Variants in FBXL17 observed in about 807,000 individuals in gnomAD.
The protein encoded by FBXL17 is F-box and leucine rich repeat protein 17, also known as F-box/LRR-repeat protein 17.
FBXL17 carries 22 observed loss-of-function variants against 66.2 expected under a neutral mutation model. The observed-to-expected ratio is 0.33, with a 90% CI of 0.24 to 0.47. FBXL17 has a LOEUF of 0.47. FBXL17 is among the 20% of genes least tolerant of loss of function. FBXL17 has a pLI of 1.00. For missense variants in FBXL17, 878 were observed against 948.2 expected, an observed-to-expected ratio of 0.93 and a Z score of 0.97; for synonymous variants, 474 against 400.5, an observed-to-expected ratio of 1.18 and a Z score of -2.19.
chr5:107,875,344 C>T (rs1748589026), intron 8 of FBXL17, among the ~76,000 whole-genome samples: 2 of 152,248 alleles, frequency 1.3e-5, no homozygotes, highest in East Asian at 3.9e-4. Flanking sequence ...GTTACAGAGT[C>T]CTATATTATT....
intron 6 of FBXL17, among the ~76,000 whole-genome samples, chr5:108,135,703 C>T (rs1281980358): frequency 2.0e-5 from 3 of 152,112 alleles, no homozygotes; most frequent in African/African-American, 7.2e-5. Context: ...GTGCATTTGG[C>T]ATTCCTTTTC....
chr5:108,264,742 A>G (rs543143283), intron 4 of FBXL17, among the ~76,000 whole-genome samples: 1 of 152,228 alleles, frequency 6.6e-6, no homozygotes, highest in Admixed American at 6.5e-5. Context: ...TGCCAGCTTT[A>G]TTGGCCCATG....
chr5:108,142,536 G>A (rs1751389820), intron 6 of FBXL17, among the ~76,000 whole-genome samples: 1 of 152,118 alleles, frequency 6.6e-6, no homozygotes, highest in African/African-American at 2.4e-5. Context: ...GCCCAAAAAT[G>A]TTGTTTATAA....
chr5:108,299,073 ATGTTTACTGC>A (rs1758468704), intron 4 of FBXL17: 1 of 975,964 alleles, frequency 1.0e-6, no homozygotes, highest in Non-Finnish European at 1.2e-6. Context: ...AAAGCCCCAA[ATGTTTACTGC>A]TATTTTAAAA....
intron 5 of FBXL17, among the ~76,000 whole-genome samples, chr5:108,202,565 C>T (rs950608823): frequency 6.6e-6 from 1 of 152,030 alleles, no homozygotes; most frequent in African/African-American, 2.4e-5. Context: ...CAGGGGATGC[C>T]TGAAACTGAG....
At chr5:108,120,326 T>C (rs1750436005) in intron 6 of FBXL17, among the ~76,000 whole-genome samples, 1 of 152,190 alleles carries the variant, frequency 6.6e-6, no homozygotes. Flanking sequence ...AATCTCACCT[T>C]TGTAAGAGAT....
intron 5 of FBXL17, among the ~76,000 whole-genome samples, chr5:108,192,937 A>C (rs1242864381): frequency 6.6e-6 from 1 of 152,242 alleles, no homozygotes; most frequent in Non-Finnish European, 1.5e-5. Context: ...GAGGACTCAC[A>C]TTACCTTAGC....
intron 6 of FBXL17, among the ~76,000 whole-genome samples, chr5:108,176,028 T>C (rs1224556981): frequency 6.6e-6 from 1 of 152,200 alleles, no homozygotes; most frequent in Non-Finnish European, 1.5e-5. Context: ...ACTTTTGGTT[T>C]GGTGAATTAA....
At chr5:107,871,892 G>C (rs528193334) in intron 8 of FBXL17, among the ~76,000 whole-genome samples, 57 of 152,244 alleles carry the variant, frequency 3.7e-4, no homozygotes, top group Non-Finnish European at 7.1e-4. Flanking sequence ...AAACATAATT[G>C]AGGGGGAAAG....
At chr5:108,337,536 G>T (rs1323108618) in intron 4 of FBXL17, among the ~76,000 whole-genome samples, 1 of 151,970 alleles carries the variant, frequency 6.6e-6, no homozygotes, top group East Asian at 1.9e-4. Flanking sequence ...ATTATCAATG[G>T]ATTAGTAAGA....
intron 7 of FBXL17, among the ~76,000 whole-genome samples, chr5:107,947,192 C>T (rs12657877): frequency 0.12 from 18,369 of 152,116 alleles, 1,222 homozygotes; most frequent in East Asian, 0.2. Flanking sequence ...TGGCCTTTAC[C>T]GCGGCATTGC....
intron 7 of FBXL17, among the ~76,000 whole-genome samples, chr5:107,911,369 G>C (rs1174348883): frequency 6.6e-6 from 1 of 152,056 alleles, no homozygotes; most frequent in African/African-American, 2.4e-5. Context: ...GCAAATTCCA[G>C]GTGGACTAAA....
chr5:108,125,562 C>T (rs183368812), intron 6 of FBXL17, among the ~76,000 whole-genome samples: 20 of 151,976 alleles, frequency 1.3e-4, no homozygotes, highest in African/African-American at 4.8e-4. Flanking sequence ...GTATTAGTAA[C>T]GATAGGAGTA....
intron 4 of FBXL17, among the ~76,000 whole-genome samples, chr5:108,268,212 ATAAG>A (rs997535570): frequency 6.6e-6 from 1 of 152,094 alleles, no homozygotes; most frequent in African/African-American, 2.4e-5. Context: ...TGAATAAATC[ATAAG>A]TAAGTGACAC....
rs1479354239 is a variant in FBXL17, at chr5:108,262,078, A to ATTTT, written c.1507-37851_1507-37850insAAAA. Among the ~76,000 whole-genome samples the ATTTT allele has an allele frequency of 1.2e-4, 13 of 111,690 alleles. 1 individual carries two copies. Among genetic ancestry groups the ATTTT allele is most frequent in the East Asian group, 7.6e-4 (3 of 3,964 alleles). 73.3% of individuals were successfully genotyped at this position (111,690 alleles called of 152,430 possible). A position where few individuals can be genotyped will look rare whatever the true frequency, so the allele number is the denominator to read the frequency against. On this transcript the variant is annotated intron_variant, in intron 4 of 8. Transcript: ENST00000542267. The stretch of plus-strand genomic sequence containing the variant: ...ATTTTATTTATTTATTTATTTATTT[A>ATTTT]TTTATTTATTTTTTTTGAGACAGAG...
intron 3 of FBXL17, among the ~76,000 whole-genome samples, chr5:108,359,759 T>A (rs1748222409): frequency 6.6e-6 from 1 of 152,104 alleles, no homozygotes; most frequent in African/African-American, 2.4e-5. Flanking sequence ...TTGAGAAGAA[T>A]GTGTATTCTT....
At position 108,365,881 on chromosome 5, in the gene FBXL17, G is replaced by A. The variant is rs541157047; in HGVS notation, c.1117-886C>T. ...AAACACCAACAAAGGATATGTGTTC[G>A]TCTCATTAAAAGCCTAAAAATCTAT... On this transcript the variant is annotated intron_variant, in intron 2 of 8. Coordinates refer to ENST00000542267, the MANE Select transcript of FBXL17 (RefSeq NM_001163315.3). Among the ~76,000 whole-genome samples the A allele has an allele frequency of 9.2e-5, 14 of 152,112 alleles. No homozygotes were observed. In the South Asian group the frequency reaches 1.5e-3, roughly 16 times the overall value.
intron 7 of FBXL17, among the ~76,000 whole-genome samples, chr5:108,004,765 G>A (rs1753860537): frequency 1.3e-5 from 2 of 152,092 alleles, no homozygotes; most frequent in African/African-American, 2.4e-5. Flanking sequence ...AATTCTATAG[G>A]ATGCCACTGA....
chr5:107,896,323 A>AT (rs1749380519), intron 7 of FBXL17, among the ~76,000 whole-genome samples: 1 of 152,166 alleles, frequency 6.6e-6, no homozygotes, highest in Admixed American at 6.6e-5. Flanking sequence ...AACAAAGGAG[A>AT]TTAAAAAAAA....
Sources: gnomAD v4.1 joint callset for allele counts (sites outside exome capture counted in the v4.1 genomes callset) on GRCh38, gnomAD v4.1.1 for gene constraint, MANE v1.5 for transcripts, NCBI Gene and HGNC (gene_info 2026-07-23, HGNC 2026-07-21) for gene names.